The following IRAG2 variants were observed in gnomAD, a reference collection of about 807,000 sequenced individuals.
The protein encoded by IRAG2 is inositol 1,4,5-triphosphate receptor associated 2, also known as lymphoid restricted membrane protein.
Under a neutral mutation model 69.9 loss-of-function variants are expected in IRAG2, and 45 were observed. The observed-to-expected ratio is 0.64, with a 90% CI of 0.51 to 0.83. The LOEUF is 0.83. Among genes scored for constraint, IRAG2 ranks in the 40% least tolerant of loss-of-function variants. IRAG2 has a pLI of 0.00. For missense variants in IRAG2, 520 were observed against 587.0 expected (o/e 0.89, Z 1.18); for synonymous variants, 193 against 202.4 (o/e 0.95, Z 0.40).
chr12:24,998,994 G>A, the IRAG2 span, among the ~76,000 whole-genome samples: 20 of 152,258 alleles, frequency 1.3e-4, no homozygotes, highest in African/African-American at 4.8e-4. Flanking sequence ...GCTTTTTCCA[G>A]GATGCTGCTT....
At chr12:25,089,856 T>G in intron 13 of IRAG2, 66 bp downstream of exon 13, 1 of 1,532,104 alleles carries the variant, frequency 6.5e-7, no homozygotes. Flanking sequence ...TACAGTCACT[T>G]CATGTTTTGG....
chr12:25,087,919 C>T (rs1413891604), intron 10 of IRAG2, among the ~76,000 whole-genome samples, 181 bp from the exon 11 acceptor site: 1 of 152,196 alleles, frequency 6.6e-6, no homozygotes, highest in East Asian at 1.9e-4. Flanking sequence ...GTTTCCCCCT[C>T]ACCTCACCCC....
At chr12:25,021,735 A>G (rs1446352237) in intron 7 of IRAG2, among the ~76,000 whole-genome samples, 1 of 152,220 alleles carries the variant, frequency 6.6e-6, no homozygotes, top group South Asian at 2.1e-4. Context: ...TGTTTCAGGT[A>G]TCAGTTGCAA....
At chr12:25,053,041 G>T in intron 1 of IRAG2, 85 bp downstream of exon 1, 1 of 397,270 alleles carries the variant, frequency 2.5e-6, no homozygotes. Context: ...CTAGATTACA[G>T]CTAGGATATT....
intron 2 of IRAG2, among the ~76,000 whole-genome samples, chr12:25,009,084 C>A (rs1196183988): frequency 6.6e-6 from 1 of 152,178 alleles, no homozygotes. Flanking sequence ...GGGAAGATCA[C>A]TTGAGGCCAG....
chr12:25,079,227 C>A lies in IRAG2; in HGVS notation c.25-17C>A, dbSNP rs1327026905. On this transcript the variant is annotated splice_polypyrimidine_tract_variant and intron_variant, in intron 6 of 21. Coordinates refer to ENST00000556887, the MANE Select transcript of IRAG2 (RefSeq NM_001366544.2). ...TGTCAAATTGTTGAACTTATGTCTC[C>A]TTTCTTTTTCCTTAAGGAGAATGGT... The A allele has an allele frequency of 3.7e-6, 6 of 1,613,736 alleles. No homozygotes were observed. The highest frequency in any genetic ancestry group is 8.5e-7 in the Non-Finnish European group (1 of 1,179,688).
intron 10 of IRAG2, 67 bp downstream of exon 10, chr12:25,083,560 A>G: frequency 3.3e-6 from 3 of 914,398 alleles, no homozygotes; most frequent in South Asian, 1.4e-5. Flanking sequence ...ATCCCTCTAA[A>G]AAGTAGTCTT....
chr12:25,107,123 A>C (rs1949220104), intron 21 of IRAG2, 73 bp downstream of exon 21: 2 of 700,246 alleles, frequency 2.9e-6, no homozygotes, highest in Non-Finnish European at 4.6e-6. Flanking sequence ...GACAGTATTA[A>C]TCCTAATCAA....
intron 15 of IRAG2, chr12:25,037,836 A>C: frequency 2.5e-6 from 1 of 395,542 alleles, no homozygotes; most frequent in Non-Finnish European, 4.5e-6. Context: ...ACAATTGAGA[A>C]TTGGTACTCA....
At chr12:25,045,236 T>C (rs1944783665) in intron 16 of IRAG2, among the ~76,000 whole-genome samples, 1 of 152,042 alleles carries the variant, frequency 6.6e-6, no homozygotes, top group Non-Finnish European at 1.5e-5. Flanking sequence ...ATCTTTGGGA[T>C]GTAGAAAAAG....
chr12:25,002,199 A>G (rs1398620754), upstream of IRAG2, among the ~76,000 whole-genome samples: 1 of 152,110 alleles, frequency 6.6e-6, no homozygotes, highest in Admixed American at 6.6e-5. Context: ...CTGCACTTCT[A>G]CCTTCCCCCT....
chr12:25,025,643 G>A (rs1944615630), intron 8 of IRAG2, among the ~76,000 whole-genome samples: 1 of 152,200 alleles, frequency 6.6e-6, no homozygotes, highest in Non-Finnish European at 1.5e-5. Context: ...ATTGTAGCGG[G>A]GCAAGAGAAA....
intron 10 of IRAG2, among the ~76,000 whole-genome samples, chr12:25,087,484 G>A (rs1295712515): frequency 1.3e-5 from 2 of 151,952 alleles, no homozygotes; most frequent in Non-Finnish European, 2.9e-5. Context: ...TTCCTATTAA[G>A]AGCACTTGTT....
chr12:25,037,455 C>T (rs141503604), intron 15 of IRAG2, among the ~76,000 whole-genome samples: 2,536 of 152,170 alleles, frequency 0.017, 38 homozygotes, highest in Non-Finnish European at 0.025. Context: ...TGCACTACCA[C>T]GCCCGGCTAA....
chr12:25,087,605 C>T (rs1455901500), intron 10 of IRAG2, among the ~76,000 whole-genome samples: 1 of 151,944 alleles, frequency 6.6e-6, no homozygotes, highest in Non-Finnish European at 1.5e-5. Context: ...AGATTGGAAG[C>T]GCCCTTGCAG....
At chr12:25,028,764 A>G (rs1017070407) in intron 9 of IRAG2, among the ~76,000 whole-genome samples, 2 of 152,200 alleles carry the variant, frequency 1.3e-5, no homozygotes, top group Non-Finnish European at 2.9e-5. Flanking sequence ...ATATACTTAA[A>G]TTTCTACATT....
intron 3 of IRAG2, chr12:25,015,122 TG>T: frequency 3.3e-6 from 1 of 303,762 alleles, no homozygotes; most frequent in Non-Finnish European, 4.5e-6. Context: ...AGACAAAACT[TG>T]GTCAGGCAAA....
chr12:25,090,989 G>T (rs1948012259), intron 14 of IRAG2: 3 of 306,560 alleles, frequency 9.8e-6, no homozygotes, highest in Non-Finnish European at 2.0e-5. Flanking sequence ...AAGAATGGGG[G>T]TGCAGAGGAG....
upstream of IRAG2, among the ~76,000 whole-genome samples, chr12:25,047,896 A>G (rs565789365): frequency 5.3e-5 from 8 of 152,284 alleles, no homozygotes; most frequent in Admixed American, 3.9e-4. Context: ...TGTCTTTGCT[A>G]TTATGAATAG....
Sources: allele counts gnomAD v4.1 joint callset (sites outside exome capture counted in the v4.1 genomes callset), GRCh38; gene constraint gnomAD v4.1.1; transcripts MANE v1.5; gene names NCBI Gene and HGNC (gene_info 2026-07-23, HGNC 2026-07-21).